AFG2A: variants seen among roughly 807,000 people sequenced by gnomAD.
AFG2A encodes AAA ATPase AFG2A, also known as ATPase family gene 2 protein homolog A.
At chr4:123,104,009 G>A in the AFG2A span, among the ~76,000 whole-genome samples, 789 of 152,198 alleles carry the variant, frequency 5.2e-3, 2 homozygotes, top group African/African-American at 0.018. Context: ...GAATGATGTA[G>A]ATATTCTATA....
chr4:123,007,568 ATGTGTGTGTGTGTG>A, the AFG2A span, among the ~76,000 whole-genome samples: 1 of 91,768 alleles, frequency 1.1e-5, no homozygotes, highest in African/African-American at 5.3e-5. Flanking sequence ...GTGTGTGTAT[ATGTGTGTGTGTGTG>A]TGTGTGTGTG....
the AFG2A span, among the ~76,000 whole-genome samples, chr4:123,178,690 G>A: frequency 6.6e-6 from 1 of 152,118 alleles, no homozygotes; most frequent in Non-Finnish European, 1.5e-5. Flanking sequence ...ATGGAACTGT[G>A]TTCTAAAAAT....
At chr4:123,180,755 CT>C in the AFG2A span, among the ~76,000 whole-genome samples, 2 of 152,218 alleles carry the variant, frequency 1.3e-5, no homozygotes, top group South Asian at 4.1e-4. Context: ...TTTAACTAAA[CT>C]TTAAAATTAT....
the AFG2A span, among the ~76,000 whole-genome samples, chr4:123,268,373 G>A: frequency 6.6e-6 from 1 of 152,084 alleles, no homozygotes; most frequent in African/African-American, 2.4e-5. Flanking sequence ...CAAACAAAAA[G>A]ACAAAGAGAT....
At chr4:123,042,065 C>T in the AFG2A span, among the ~76,000 whole-genome samples, 3,264 of 152,272 alleles carry the variant, frequency 0.021, 61 homozygotes, top group Non-Finnish European at 0.035. Context: ...CTTTTCTACC[C>T]TGATTCTCAT....
chr4:123,196,198 A>T, the AFG2A span, among the ~76,000 whole-genome samples: 25 of 65,240 alleles, frequency 3.8e-4, no homozygotes, highest in African/African-American at 8.4e-4. Context: ...TTTAGTAGGG[A>T]TGGAGTTTCA....
At chr4:123,133,665 A>T in the AFG2A span, among the ~76,000 whole-genome samples, 4 of 152,166 alleles carry the variant, frequency 2.6e-5, no homozygotes, top group Admixed American at 2.6e-4. Context: ...TGGGTAACCT[A>T]GACATTGTTT....
At chr4:122,967,455 T>C in the AFG2A span, among the ~76,000 whole-genome samples, 1 of 152,154 alleles carries the variant, frequency 6.6e-6, no homozygotes, top group African/African-American at 2.4e-5. Flanking sequence ...CTCCTCAAGT[T>C]TTGTTTTTCT....
the AFG2A span, among the ~76,000 whole-genome samples, chr4:123,153,925 TA>T: frequency 6.6e-6 from 1 of 152,210 alleles, no homozygotes; most frequent in Non-Finnish European, 1.5e-5. Context: ...TTAAAGTTCT[TA>T]AAGAAAAAAC....
At chr4:123,258,335 TAATA>T in the AFG2A span, among the ~76,000 whole-genome samples, 1 of 152,200 alleles carries the variant, frequency 6.6e-6, no homozygotes, top group Non-Finnish European at 1.5e-5. Flanking sequence ...GTCTTAAAGT[TAATA>T]AACAGGAGAT....
the AFG2A span, among the ~76,000 whole-genome samples, chr4:122,931,299 A>G: frequency 6.6e-6 from 1 of 152,220 alleles, no homozygotes; most frequent in South Asian, 2.1e-4. Flanking sequence ...TTGATTCATG[A>G]AATTTCCCCC....
chr4:123,100,050 A>AAGT, the AFG2A span, among the ~76,000 whole-genome samples: 1 of 151,846 alleles, frequency 6.6e-6, no homozygotes. Context: ...GTCAATACCC[A>AAGT]AGGTCTAAAA....
At chr4:123,312,764 T>C in the AFG2A span, among the ~76,000 whole-genome samples, 1 of 152,194 alleles carries the variant, frequency 6.6e-6, no homozygotes, top group Non-Finnish European at 1.5e-5. Context: ...CCAGAACTAA[T>C]AGTTACATTG....
chr4:123,086,794 A>G, the AFG2A span, among the ~76,000 whole-genome samples: 70 of 152,114 alleles, frequency 4.6e-4, no homozygotes, highest in Non-Finnish European at 1.3e-4. Flanking sequence ...CCGTAAGTGC[A>G]GAGATTCTTT....
At chr4:123,170,846 T>A in the AFG2A span, among the ~76,000 whole-genome samples, 5 of 152,174 alleles carry the variant, frequency 3.3e-5, no homozygotes, top group Non-Finnish European at 5.9e-5. Context: ...TCTCACTTTT[T>A]AAAAAAACCG....
chr4:123,007,641 C>CA, the AFG2A span, among the ~76,000 whole-genome samples: 57 of 16,210 alleles, frequency 3.5e-3, no homozygotes, highest in East Asian at 0.06. Context: ...CACACACACA[C>CA]AACACACACA....
chr4:123,271,508 A>C, the AFG2A span, among the ~76,000 whole-genome samples: 2 of 152,224 alleles, frequency 1.3e-5, no homozygotes, highest in African/African-American at 4.8e-5. Context: ...GGTGTGAGGT[A>C]GTAGGGATTC....
chr4:123,028,235 A>G, the AFG2A span: 1 of 1,614,140 alleles, frequency 6.2e-7, no homozygotes, highest in South Asian at 1.1e-5. Context: ...CTGAAGTTGG[A>G]ACAGGCTGTG....
chr4:123,083,747 T>C, the AFG2A span, among the ~76,000 whole-genome samples: 1 of 152,136 alleles, frequency 6.6e-6, no homozygotes, highest in East Asian at 1.9e-4. Context: ...TTGTTGCATC[T>C]ATGTTTATGG....
Sources: allele counts gnomAD v4.1 joint callset (sites outside exome capture counted in the v4.1 genomes callset), GRCh38; gene constraint gnomAD v4.1.1; transcripts MANE v1.5; gene names NCBI Gene and HGNC (gene_info 2026-07-23, HGNC 2026-07-21).